The following ANKRD44 variants were observed in gnomAD, a reference collection of about 807,000 sequenced individuals.
ANKRD44 encodes serine/threonine-protein phosphatase 6 regulatory ankyrin repeat subunit B.
In ANKRD44, 35 loss-of-function variants were observed where a neutral mutation model predicts 116.0. The ratio of observed to expected loss-of-function variants is 0.30; its 90% CI spans 0.23 to 0.40. The LOEUF (loss-of-function observed/expected upper bound fraction) is 0.40, where lower values mean the gene tolerates loss of function less well. ANKRD44 is among the 10% of genes least tolerant of loss of function. The pLI, the probability that ANKRD44 is intolerant of heterozygous loss-of-function variation, is 1.00. For missense variants in ANKRD44, 1,014 were observed against 1,242.6 expected (o/e 0.82, Z 2.77); for synonymous variants, 435 against 461.8 (o/e 0.94, Z 0.74).
At chr2:197,108,832 T>C (rs923579777) in intron 9 of ANKRD44, among the ~76,000 whole-genome samples, 1 of 138,724 alleles carries the variant, frequency 7.2e-6, no homozygotes, top group Non-Finnish European at 1.5e-5. Context: ...AGTGAGAAAG[T>C]GTCTTAAAAA....
intron 16 of ANKRD44, among the ~76,000 whole-genome samples, chr2:197,026,665 G>A (rs2076601068): frequency 1.3e-5 from 2 of 152,148 alleles, no homozygotes; most frequent in South Asian, 4.1e-4. Context: ...TATCCCAAGT[G>A]AGGTGGAAAT....
chr2:197,042,234 T>C lies in ANKRD44; in HGVS notation c.1651-16967A>G, dbSNP rs551872647. 2.0e-5 allele frequency among the ~76,000 whole-genome samples: 3 copies of C among 152,314 alleles called. No homozygotes were observed. In the South Asian group the frequency reaches 6.2e-4, roughly 32 times the overall value. Reference sequence around the variant, plus strand: ...CTCCTGATAATTATGCCTCTTTTTATTTGAAGGGGTTCCTGGTAGCCAGCT... The same window carrying C: ...CTCCTGATAATTATGCCTCTTTTTACTTGAAGGGGTTCCTGGTAGCCAGCT... On this transcript the variant is annotated intron_variant, in intron 16 of 27. Transcript: ENST00000282272.
intron 3 of ANKRD44, among the ~76,000 whole-genome samples, chr2:197,141,891 T>G (rs181777192): frequency 6.6e-6 from 1 of 152,346 alleles, no homozygotes; most frequent in Non-Finnish European, 1.5e-5. Context: ...GTCAGATGGT[T>G]TTGGCTATGA....
At chr2:197,190,117 G>C (rs1033394973) in intron 1 of ANKRD44, among the ~76,000 whole-genome samples, 1 of 152,154 alleles carries the variant, frequency 6.6e-6, no homozygotes, top group Non-Finnish European at 1.5e-5. Flanking sequence ...GGAAGAAGAG[G>C]CTGAGCTATC....
At chr2:197,193,372 G>A (rs149253979) in intron 1 of ANKRD44, among the ~76,000 whole-genome samples, 118 of 152,300 alleles carry the variant, frequency 7.7e-4, no homozygotes, top group African/African-American at 2.0e-3. Flanking sequence ...CAAAGGAAGT[G>A]ATGGAATAAC....
chr2:197,065,870 G>A (rs190083666), intron 16 of ANKRD44, among the ~76,000 whole-genome samples: 85 of 152,310 alleles, frequency 5.6e-4, no homozygotes, highest in African/African-American at 1.9e-3. Flanking sequence ...ACAAGGAGGA[G>A]CTGGTACCAT....
chr2:197,099,645 C>A, intron 10 of ANKRD44, 171 bp downstream of exon 10: 1 of 1,311,338 alleles, frequency 7.6e-7, no homozygotes. Context: ...TTCTTCTTTG[C>A]CTCTGTCATT....
intron 16 of ANKRD44, among the ~76,000 whole-genome samples, chr2:197,030,315 G>C (rs904477695): frequency 6.6e-6 from 1 of 152,214 alleles, no homozygotes; most frequent in Non-Finnish European, 1.5e-5. Context: ...TTAGAAGACG[G>C]AAGTGAGGCA....
At chr2:197,028,106 T>C (rs763724696) in intron 16 of ANKRD44, among the ~76,000 whole-genome samples, 1 of 152,180 alleles carries the variant, frequency 6.6e-6, no homozygotes, top group Non-Finnish European at 1.5e-5. Context: ...TATTAAGACA[T>C]TGTTTATGTG....
At chr2:197,118,637 G>GAGAAAGAAAGAA (rs71012953) in intron 8 of ANKRD44, among the ~76,000 whole-genome samples, 2,331 of 112,348 alleles carry the variant, frequency 0.021, 65 homozygotes, top group African/African-American at 0.055. Flanking sequence ...GAGAGAGAGA[G>GAGAAAGAAAGAA]AGAAAGAAAG....
At chr2:197,005,641 G>T in intron 21 of ANKRD44, 53 bp downstream of exon 21, 1 of 1,553,966 alleles carries the variant, frequency 6.4e-7, no homozygotes, top group Non-Finnish European at 8.9e-7. Context: ...TGAGCTCACA[G>T]TGGTCCTGGG....
chr2:197,097,659 C>T (rs1337127408), intron 10 of ANKRD44, among the ~76,000 whole-genome samples: 2 of 152,174 alleles, frequency 1.3e-5, no homozygotes, highest in Non-Finnish European at 2.9e-5. Context: ...TCTTTTCTTC[C>T]CTGGACATTT....
chr2:197,019,468 A>G (rs879754823), intron 17 of ANKRD44, among the ~76,000 whole-genome samples: 4 of 152,114 alleles, frequency 2.6e-5, no homozygotes, highest in Non-Finnish European at 5.9e-5. Context: ...ACAACAACCT[A>G]TGCTCTGCTC....
At chr2:197,040,719 A>C (rs2076895570) in intron 16 of ANKRD44, among the ~76,000 whole-genome samples, 1 of 152,028 alleles carries the variant, frequency 6.6e-6, no homozygotes, top group Non-Finnish European at 1.5e-5. Flanking sequence ...GGTAGGAAAA[A>C]ATAAAATAAA....
intron 1 of ANKRD44, among the ~76,000 whole-genome samples, chr2:197,237,679 A>G (rs1314312542): frequency 6.6e-6 from 1 of 152,210 alleles, no homozygotes; most frequent in East Asian, 1.9e-4. Context: ...ACCTAATTAC[A>G]TGTCCCAGAG....
intron 16 of ANKRD44, among the ~76,000 whole-genome samples, chr2:197,040,820 A>C (rs1413912674): frequency 6.6e-6 from 1 of 152,198 alleles, no homozygotes; most frequent in Non-Finnish European, 1.5e-5. Flanking sequence ...TTCTACTATT[A>C]CTATATTAAA....
chr2:196,973,496 G>A (rs544379739), intron 21 of ANKRD44, among the ~76,000 whole-genome samples: 7 of 151,894 alleles, frequency 4.6e-5, no homozygotes, highest in African/African-American at 1.7e-4. Flanking sequence ...ATCTCCCCAC[G>A]CAAAGGATGC....
chr2:197,068,394 A>AAAAAAAAAAAGAAAAAAATAAAAAAAT (rs1559036599), intron 16 of ANKRD44, among the ~76,000 whole-genome samples: 1 of 140,198 alleles, frequency 7.1e-6, no homozygotes, highest in Admixed American at 7.0e-5. Context: ...AAATAAAAAA[A>AAAAAAAAAAAGAAAAAAATAAAAAAAT]AAATAAAAAT....
chr2:197,213,900 C>A (rs1176751642), intron 1 of ANKRD44, among the ~76,000 whole-genome samples: 1 of 152,196 alleles, frequency 6.6e-6, no homozygotes, highest in Non-Finnish European at 1.5e-5. Context: ...CTTGGCAATA[C>A]TACAGCACCT....
Sources: allele counts gnomAD v4.1 joint callset (sites outside exome capture counted in the v4.1 genomes callset), GRCh38; gene constraint gnomAD v4.1.1; transcripts MANE v1.5; gene names NCBI Gene and HGNC (gene_info 2026-07-23, HGNC 2026-07-21).